Variants in DIS3L2 observed in about 807,000 individuals in gnomAD.
The protein encoded by DIS3L2 is DIS3-like exonuclease 2.
A neutral mutation model predicts 97.5 loss-of-function variants in DIS3L2; 34 were observed. The ratio of observed to expected loss-of-function variants is 0.35; its 90% CI spans 0.27 to 0.46. DIS3L2 has a LOEUF of 0.46. Among genes scored for constraint, DIS3L2 ranks in the 20% least tolerant of loss-of-function variants. The pLI is 1.00. For missense variants in DIS3L2, 1,038 were observed against 1,146.0 expected (o/e 0.91, Z 1.36); for synonymous variants, 435 against 445.2 (o/e 0.98, Z 0.29).
intron 13 of DIS3L2, among the ~76,000 whole-genome samples, chr2:232,278,563 G>T (rs73102578): frequency 6.6e-6 from 1 of 152,032 alleles, no homozygotes; most frequent in East Asian, 1.9e-4. Flanking sequence ...GAATCATTCC[G>T]TTGGTAGCAT....
chr2:232,181,388 A>G (rs1231284937), intron 9 of DIS3L2, among the ~76,000 whole-genome samples: 3 of 152,206 alleles, frequency 2.0e-5, no homozygotes, highest in East Asian at 3.9e-4. Context: ...GTTCTCCTGG[A>G]TGATATCCTG....
intron 1 of DIS3L2, among the ~76,000 whole-genome samples, chr2:231,989,548 G>A (rs981216968): frequency 3.9e-5 from 6 of 152,040 alleles, no homozygotes; most frequent in African/African-American, 1.4e-4. Flanking sequence ...TAAGAAAAGG[G>A]ACAGGGGACT....
At chr2:232,000,177 T>C (rs1214452087) in intron 1 of DIS3L2, among the ~76,000 whole-genome samples, 11 of 152,294 alleles carry the variant, frequency 7.2e-5, no homozygotes, top group South Asian at 4.1e-4. Flanking sequence ...ATGAAAATTG[T>C]TGTTATGCTG....
chr2:232,212,795 G>C (rs887553549), intron 10 of DIS3L2, among the ~76,000 whole-genome samples: 20 of 152,146 alleles, frequency 1.3e-4, no homozygotes, highest in East Asian at 1.9e-4. Context: ...AAATCAATAG[G>C]GGGGGTTGGA....
At chr2:232,048,415 A>C (rs1013813990) in intron 5 of DIS3L2, among the ~76,000 whole-genome samples, 1 of 151,392 alleles carries the variant, frequency 6.6e-6, no homozygotes, top group African/African-American at 2.4e-5. Flanking sequence ...GTTCTCTCTT[A>C]AAAAAAAATC....
intron 12 of DIS3L2, among the ~76,000 whole-genome samples, chr2:232,261,751 CCTT>C (rs1456576488): frequency 6.6e-6 from 1 of 152,198 alleles, no homozygotes; most frequent in Admixed American, 6.5e-5. Flanking sequence ...GTTTTCTCCT[CCTT>C]GACATCCAAG....
At chr2:232,158,714 A>T (rs1690569890) in intron 8 of DIS3L2, among the ~76,000 whole-genome samples, 1 of 152,182 alleles carries the variant, frequency 6.6e-6, no homozygotes, top group Admixed American at 6.5e-5. Flanking sequence ...ACAAACAAGA[A>T]CCCAGACAGA....
At chr2:232,330,155 T>C (rs1275554922) in intron 15 of DIS3L2, among the ~76,000 whole-genome samples, 159 bp downstream of exon 15, 2 of 152,104 alleles carry the variant, frequency 1.3e-5, no homozygotes, top group Non-Finnish European at 2.9e-5. Flanking sequence ...AAAGGGCCCC[T>C]CTGAGTCACA....
chr2:232,160,466 T>C (rs1690615589), intron 8 of DIS3L2, among the ~76,000 whole-genome samples: 1 of 152,208 alleles, frequency 6.6e-6, no homozygotes, highest in South Asian at 2.1e-4. Flanking sequence ...TTAATGCTTG[T>C]GGGATGTAAA....
In DIS3L2 at chr2:232,026,402, C is replaced by T. The variant is rs539425947; in HGVS notation, c.264+2072C>T. 3.9e-5 allele frequency among the ~76,000 whole-genome samples: 6 copies of T among 152,258 alleles called. No individual in the cohort carries two copies. In the South Asian group the frequency reaches 1.2e-3, roughly 32 times the overall value. On this transcript the variant is annotated intron_variant, in intron 4 of 20. Coordinates refer to ENST00000325385, the MANE Select transcript of DIS3L2 (RefSeq NM_152383.5). ...GCTTGCCCCTCTTCCCTTCTCAGTG[C>T]TAGCTCCCTGTCCCCTTGTGATTCC...
At chr2:232,245,645 T>TA (rs1222134396) in intron 11 of DIS3L2, among the ~76,000 whole-genome samples, 3 of 152,342 alleles carry the variant, frequency 2.0e-5, no homozygotes, top group Admixed American at 1.3e-4. Flanking sequence ...AAATACTTCT[T>TA]AAAAATTAAA....
chr2:232,026,359 A>T (rs1223005229), intron 4 of DIS3L2, among the ~76,000 whole-genome samples: 1 of 152,158 alleles, frequency 6.6e-6, no homozygotes, highest in East Asian at 1.9e-4. Flanking sequence ...TCCATGCTGA[A>T]ACATGGCTTC....
At chr2:231,995,256 C>G (rs1433464964) in intron 1 of DIS3L2, among the ~76,000 whole-genome samples, 1 of 152,090 alleles carries the variant, frequency 6.6e-6, no homozygotes, top group East Asian at 1.9e-4. Flanking sequence ...TAGGCATATT[C>G]TGAAGCAAAT....
Position 232,269,033 on chromosome 2 carries a change from T to C in DIS3L2, c.1659+5593T>C, listed in dbSNP as rs1693917341. 6.6e-6 allele frequency among the ~76,000 whole-genome samples: 1 copy of C among 152,236 alleles called. No homozygotes were observed. Among genetic ancestry groups the C allele is most frequent in the Non-Finnish European group, 1.5e-5 (1 of 68,044 alleles). ...CCTGAAGCAAAAGGAGCAGGGGTTC[T>C]CATTTCCCACTTCTGCAAGCTCAGC... On this transcript the variant is annotated intron_variant, in intron 13 of 20. Coordinates refer to ENST00000325385, the MANE Select transcript of DIS3L2 (RefSeq NM_152383.5). The surrounding 1 kb of genome is among the most constrained non-coding windows in gnomAD (Gnocchi z 4.5).
intron 6 of DIS3L2, among the ~76,000 whole-genome samples, chr2:232,116,359 C>T (rs1237267638): frequency 1.3e-5 from 2 of 152,034 alleles, no homozygotes; most frequent in Admixed American, 6.6e-5. Context: ...AGTAATGAAG[C>T]CTTTTGGGTA....
rs141470423 is a variant in DIS3L2, at chr2:231,997,056, G to A, written c.-93-17779G>A. 6.4e-3 allele frequency among the ~76,000 whole-genome samples: 975 copies of A among 152,302 alleles called. 11 individuals are homozygous for A. The highest frequency in any genetic ancestry group is 0.012 in the Admixed American group (184 of 15,294). ...CTGTCTCCTCCCCTAGATTGTAAGC[G>A]CCATGAGAGTAGGGACCTGGTCTGT... On this transcript the variant is annotated intron_variant, in intron 1 of 20. Transcript: ENST00000325385.
intron 1 of DIS3L2, among the ~76,000 whole-genome samples, chr2:231,971,822 C>T (rs1692923974): frequency 6.7e-6 from 1 of 149,724 alleles, no homozygotes; most frequent in Admixed American, 6.6e-5. Context: ...ACCTCGTGAT[C>T]TGCCTGCCTC....
chr2:232,038,585 T>G (rs1695018551), intron 5 of DIS3L2, among the ~76,000 whole-genome samples: 1 of 152,178 alleles, frequency 6.6e-6, no homozygotes, highest in South Asian at 2.1e-4. Flanking sequence ...AGCAAACATA[T>G]GAATAAGTAA....
intron 4 of DIS3L2, among the ~76,000 whole-genome samples, chr2:232,028,990 C>T (rs546913793): frequency 1.3e-5 from 2 of 152,206 alleles, no homozygotes; most frequent in Non-Finnish European, 2.9e-5. Context: ...CTAAAATCTG[C>T]CCCTCCCCCT....
Sources: allele counts gnomAD v4.1 joint callset (sites outside exome capture counted in the v4.1 genomes callset), GRCh38; gene constraint gnomAD v4.1.1; non-coding constraint Gnocchi (gnomAD v3.1); transcripts MANE v1.5; gene names NCBI Gene and HGNC (gene_info 2026-07-23, HGNC 2026-07-21).